Variants in BRD10 observed in about 807,000 individuals in gnomAD.
BRD10 encodes the protein bromodomain containing 10.
At chr9:5,998,659 G>C in the BRD10 span, among the ~76,000 whole-genome samples, 1 of 151,962 alleles carries the variant, frequency 6.6e-6, no homozygotes, top group Non-Finnish European at 1.5e-5. Flanking sequence ...GTACATATGA[G>C]ATAAAAAAGG....
the BRD10 span, among the ~76,000 whole-genome samples, chr9:5,981,221 G>A: frequency 6.6e-6 from 1 of 152,188 alleles, no homozygotes; most frequent in South Asian, 2.1e-4. Flanking sequence ...AAAGTGGGAT[G>A]AAGCATTTAT....
chr9:5,958,826 A>G, the BRD10 span, among the ~76,000 whole-genome samples: 1 of 152,166 alleles, frequency 6.6e-6, no homozygotes, highest in East Asian at 1.9e-4. Flanking sequence ...GTATTATTAA[A>G]CAGTGAATTT....
chr9:5,985,236 T>C, the BRD10 span, among the ~76,000 whole-genome samples: 773 of 152,284 alleles, frequency 5.1e-3, 7 homozygotes, highest in African/African-American at 0.018. Flanking sequence ...CCTTACTTCA[T>C]ACCACACACA....
chr9:5,969,430 C>A, the BRD10 span: 1 of 1,542,102 alleles, frequency 6.5e-7, no homozygotes, highest in Non-Finnish European at 8.7e-7. Context: ...TTTCCTGCTC[C>A]CGAAGCCTAA....
At chr9:5,922,513 A>G in the BRD10 span, 1 of 1,613,906 alleles carries the variant, frequency 6.2e-7, no homozygotes, top group Non-Finnish European at 8.5e-7. Context: ...GTAGTTGGGT[A>G]GAAACAGTTC....
the BRD10 span, among the ~76,000 whole-genome samples, chr9:5,970,595 A>T: frequency 6.6e-6 from 1 of 152,216 alleles, no homozygotes; most frequent in South Asian, 2.1e-4. Context: ...GTATCATCAA[A>T]ACTAGAAAAA....
chr9:5,928,976 G>T, the BRD10 span: 1 of 797,446 alleles, frequency 1.3e-6, no homozygotes, highest in Non-Finnish European at 2.1e-6. Flanking sequence ...ATGATTCCAG[G>T]ACATCATCCA....
At chr9:5,958,006 A>G in the BRD10 span, among the ~76,000 whole-genome samples, 39 of 152,190 alleles carry the variant, frequency 2.6e-4, no homozygotes, top group African/African-American at 9.2e-4. Flanking sequence ...TAAAATTCTC[A>G]AACCTATAAT....
the BRD10 span, among the ~76,000 whole-genome samples, chr9:5,904,916 G>A: frequency 4.6e-5 from 7 of 151,950 alleles, no homozygotes; most frequent in African/African-American, 1.7e-4. Flanking sequence ...TGGGACTACA[G>A]GTGCCCGCTA....
At chr9:5,897,609 G>A in the BRD10 span, 127 of 1,614,092 alleles carry the variant, frequency 7.9e-5, no homozygotes, top group African/African-American at 3.3e-4. Flanking sequence ...ACTGCTCATC[G>A]GCTGTTGGTA....
At chr9:5,985,962 T>A in the BRD10 span, among the ~76,000 whole-genome samples, 1 of 152,152 alleles carries the variant, frequency 6.6e-6, no homozygotes, top group African/African-American at 2.4e-5. Flanking sequence ...CATAGGCTTT[T>A]TAAAAATTAT....
the BRD10 span, among the ~76,000 whole-genome samples, chr9:5,928,711 T>C: frequency 6.6e-6 from 1 of 152,198 alleles, no homozygotes; most frequent in Non-Finnish European, 1.5e-5. Context: ...AAGCTTTCCC[T>C]GACACCTGAT....
At chr9:5,963,884 C>T in the BRD10 span, among the ~76,000 whole-genome samples, 1 of 151,702 alleles carries the variant, frequency 6.6e-6, no homozygotes, top group Non-Finnish European at 1.5e-5. Context: ...CCCTTCCTTA[C>T]ACCTTATACA....
chr9:5,983,852 T>C, the BRD10 span, among the ~76,000 whole-genome samples: 1 of 151,846 alleles, frequency 6.6e-6, no homozygotes, highest in Non-Finnish European at 1.5e-5. Flanking sequence ...GGAACAAAGA[T>C]AAGGAAGTCA....
the BRD10 span, chr9:6,007,950 C>T: frequency 7.6e-7 from 1 of 1,310,656 alleles, no homozygotes; most frequent in Admixed American, 4.1e-5. Context: ...GCGCGGGGGT[C>T]TTGAGCTCAC....
chr9:5,886,579 A>C, the BRD10 span, among the ~76,000 whole-genome samples: 6 of 152,214 alleles, frequency 3.9e-5, no homozygotes, highest in African/African-American at 7.2e-5. Flanking sequence ...GATGAAGTGC[A>C]AGTGGTTTGG....
the BRD10 span, among the ~76,000 whole-genome samples, chr9:5,964,403 A>G: frequency 6.6e-6 from 1 of 151,888 alleles, no homozygotes; most frequent in African/African-American, 2.4e-5. Context: ...AAGTCAGGAA[A>G]CAACAGGTGC....
chr9:5,919,884 G>A, the BRD10 span: 7 of 1,613,824 alleles, frequency 4.3e-6, no homozygotes, highest in African/African-American at 1.3e-5. Flanking sequence ...GGGTCCAAAT[G>A]AAACACTGAA....
chr9:5,956,044 G>C, the BRD10 span, among the ~76,000 whole-genome samples: 1 of 151,934 alleles, frequency 6.6e-6, no homozygotes. Context: ...TTATGTATGG[G>C]AAGGTTTTAT....
Sources: gnomAD v4.1 joint callset for allele counts (sites outside exome capture counted in the v4.1 genomes callset) on GRCh38, gnomAD v4.1.1 for gene constraint, MANE v1.5 for transcripts, NCBI Gene and HGNC (gene_info 2026-07-23, HGNC 2026-07-21) for gene names.